PDSS2: variants seen among roughly 807,000 people sequenced by gnomAD.
PDSS2 encodes decaprenyl diphosphate synthase subunit 2, also known as all trans-polyprenyl-diphosphate synthase PDSS2.
PDSS2 carries 31 observed loss-of-function variants against 44.5 expected under a neutral mutation model. The ratio of observed to expected loss-of-function variants is 0.70; its 90% confidence interval spans 0.52 to 0.94. PDSS2 has a LOEUF of 0.94. Ranked by LOEUF, PDSS2 falls within the 40% of genes least tolerant of loss-of-function variation. The pLI is 0.00. For synonymous variants in PDSS2, 157 were observed against 180.3 expected (o/e 0.87, Z 1.03); for missense variants, 452 against 482.2 (o/e 0.94, Z 0.59).
intron 1 of PDSS2, among the ~76,000 whole-genome samples, chr6:107,399,599 GA>G (rs1364888194): frequency 6.6e-6 from 1 of 152,048 alleles, no homozygotes; most frequent in African/African-American, 2.4e-5. Flanking sequence ...ATATAAAAAA[GA>G]GAAAAATAGT....
At position 107,239,272 on chromosome 6, in the gene PDSS2, G is replaced by A. The variant is rs950488214; in HGVS notation, c.702+6276C>T. Reference sequence around the variant, plus strand: ...AGCCTGGATGACAGAGAGAGACTCCGTCTCAAAAAAAACCAAAAACCAAAC... The same window carrying A: ...AGCCTGGATGACAGAGAGAGACTCCATCTCAAAAAAAACCAAAAACCAAAC... On this transcript the variant is annotated intron_variant, in intron 4 of 7. Transcript: ENST00000369037. 5.3e-5 allele frequency among the ~76,000 whole-genome samples: 8 copies of A among 152,006 alleles called. No homozygotes were observed. The East Asian group carries it at 5.8e-4, about 11-fold the overall frequency.
At chr6:107,165,459 A>G (rs1433779827) in intron 7 of PDSS2, among the ~76,000 whole-genome samples, 1 of 152,160 alleles carries the variant, frequency 6.6e-6, no homozygotes, top group Admixed American at 6.6e-5. Context: ...AGGTTTGTCA[A>G]AGATCAGATG....
chr6:107,182,516 G>T (rs963150390), intron 7 of PDSS2, among the ~76,000 whole-genome samples: 4 of 152,096 alleles, frequency 2.6e-5, no homozygotes, highest in Non-Finnish European at 4.4e-5. Flanking sequence ...GTAGAGACGG[G>T]GTTTTGCCAT....
At chr6:107,362,621 T>C (rs1357701491) in intron 1 of PDSS2, among the ~76,000 whole-genome samples, 1 of 152,168 alleles carries the variant, frequency 6.6e-6, no homozygotes, top group Non-Finnish European at 1.5e-5. Context: ...AAATATTCAG[T>C]ATTCAACAGA....
At chr6:107,298,637 A>G (rs1776589747) in intron 2 of PDSS2, among the ~76,000 whole-genome samples, 1 of 152,228 alleles carries the variant, frequency 6.6e-6, no homozygotes, top group South Asian at 2.1e-4. Flanking sequence ...ATGCATGTGT[A>G]TGTATGCATA....
intron 1 of PDSS2, among the ~76,000 whole-genome samples, chr6:107,392,842 T>A (rs1462329844): frequency 6.6e-6 from 1 of 152,170 alleles, no homozygotes; most frequent in Non-Finnish European, 1.5e-5. Context: ...GACTTCAAGC[T>A]TGGCACTCCC....
chr6:107,457,392 T>C (rs1436496217), intron 1 of PDSS2, among the ~76,000 whole-genome samples: 1 of 152,220 alleles, frequency 6.6e-6, no homozygotes, highest in Non-Finnish European at 1.5e-5. Flanking sequence ...TAAAACTACT[T>C]CAAAATAGAA....
intron 7 of PDSS2, among the ~76,000 whole-genome samples, chr6:107,187,934 G>A (rs1321010149): frequency 6.6e-6 from 1 of 152,160 alleles, no homozygotes; most frequent in Non-Finnish European, 1.5e-5. Flanking sequence ...TTTATGTTAT[G>A]ATAAATGTTA....
At chr6:107,244,834 T>C (rs1029514489) in intron 4 of PDSS2, among the ~76,000 whole-genome samples, 1 of 152,174 alleles carries the variant, frequency 6.6e-6, no homozygotes, top group Admixed American at 6.5e-5. Flanking sequence ...GAAGTTAGAA[T>C]AATGAAACAC....
chr6:107,402,463 CGTAT>C (rs1780147785), intron 1 of PDSS2, among the ~76,000 whole-genome samples: 1 of 21,140 alleles, frequency 4.7e-5, no homozygotes, highest in East Asian at 5.5e-4. Flanking sequence ...CATATATATA[CGTAT>C]ATATATGTAT....
chr6:107,374,361 C>A (rs1453978352), intron 1 of PDSS2, among the ~76,000 whole-genome samples: 1 of 152,084 alleles, frequency 6.6e-6, no homozygotes, highest in Non-Finnish European at 1.5e-5. Flanking sequence ...AAACTTACCC[C>A]CTCATCCAAA....
chr6:107,274,346 T>C, intron 2 of PDSS2, 119 bp from the exon 3 acceptor site: 1 of 777,540 alleles, frequency 1.3e-6, no homozygotes, highest in South Asian at 1.5e-5. Context: ...TTTTTTTGGA[T>C]TATATCTTTC....
In PDSS2 at chr6:107,377,834, A is replaced by AAG. The variant is rs1486241231; in HGVS notation, c.297-43503_297-43502insCT. 3.3e-5 allele frequency among the ~76,000 whole-genome samples: 5 copies of AAG among 151,990 alleles called. No homozygotes were observed. In the East Asian group the frequency reaches 9.6e-4, roughly 29 times the overall value. On this transcript the variant is annotated intron_variant, in intron 1 of 7. Transcript: ENST00000369037. The stretch of plus-strand genomic sequence containing the variant: ...TCTCACTCATAGATGGGAACTGAAC[A>AAG]ATGAGAACACATGGACACAGGAAGG...
At chr6:107,299,546 A>G (rs1048427509) in intron 2 of PDSS2, among the ~76,000 whole-genome samples, 1 of 152,068 alleles carries the variant, frequency 6.6e-6, no homozygotes, top group Admixed American at 6.6e-5. Context: ...CTCCCTTGTC[A>G]TAATTTTTCT....
intron 7 of PDSS2, among the ~76,000 whole-genome samples, chr6:107,169,820 C>T (rs889691570): frequency 2.0e-5 from 3 of 152,156 alleles, no homozygotes; most frequent in Non-Finnish European, 4.4e-5. Context: ...AATGTTGCTG[C>T]CTGGTTGTTC....
chr6:107,448,087 A>AG (rs1284873706), intron 1 of PDSS2, among the ~76,000 whole-genome samples: 3 of 152,210 alleles, frequency 2.0e-5, no homozygotes, highest in African/African-American at 4.8e-5. Flanking sequence ...TGCATACAGC[A>AG]GGGGGGGCTG....
At chr6:107,436,462 A>C (rs1247462242) in intron 1 of PDSS2, among the ~76,000 whole-genome samples, 3 of 152,204 alleles carry the variant, frequency 2.0e-5, no homozygotes, top group African/African-American at 7.2e-5. Flanking sequence ...AGCCTTAAAT[A>C]ATATATGTAC....
At chr6:107,214,181 G>A (rs1773329842) in intron 4 of PDSS2, among the ~76,000 whole-genome samples, 1 of 150,704 alleles carries the variant, frequency 6.6e-6, no homozygotes, top group African/African-American at 2.5e-5. Flanking sequence ...TCGGCTCACT[G>A]CAAGCTCTGC....
chr6:107,204,295 T>C (rs1772896748), intron 6 of PDSS2, among the ~76,000 whole-genome samples: 1 of 152,176 alleles, frequency 6.6e-6, no homozygotes, highest in Non-Finnish European at 1.5e-5. Flanking sequence ...CAATACCTCA[T>C]TCCTTTCCAT....
Sources: gnomAD v4.1 joint callset for allele counts (sites outside exome capture counted in the v4.1 genomes callset) on GRCh38, gnomAD v4.1.1 for gene constraint, MANE v1.5 for transcripts, NCBI Gene and HGNC (gene_info 2026-07-23, HGNC 2026-07-21) for gene names.